Variants in TCF12 observed in about 807,000 individuals in gnomAD.
The protein encoded by TCF12 is transcription factor 12, also known as DNA-binding protein HTF4.
In TCF12, 45 loss-of-function variants were observed where a neutral mutation model predicts 86.0. The ratio of observed to expected loss-of-function variants is 0.52; its 90% CI spans 0.41 to 0.67. TCF12 has a LOEUF of 0.67. TCF12 is among the 30% of genes least tolerant of loss of function. The pLI, the probability that TCF12 is intolerant of heterozygous loss-of-function variation, is 0.00. For missense variants in TCF12, 881 were observed against 859.9 expected, an observed-to-expected ratio of 1.02 and a Z score of -0.31; for synonymous variants, 330 against 299.6, an observed-to-expected ratio of 1.10 and a Z score of -1.05.
chr15:57,152,285 C>T (rs548008456), intron 5 of TCF12, among the ~76,000 whole-genome samples: 1 of 152,234 alleles, frequency 6.6e-6, no homozygotes, highest in East Asian at 1.9e-4. Context: ...AAGAGAAAAA[C>T]AAAACAAATA....
chr15:57,200,221 A>C (rs1168343991), intron 8 of TCF12, among the ~76,000 whole-genome samples: 1 of 152,008 alleles, frequency 6.6e-6, no homozygotes, highest in Admixed American at 6.6e-5. Flanking sequence ...AAAAACCTTA[A>C]AGACAGATAT....
chr15:56,923,695 T>C (rs2059889823), intron 3 of TCF12, among the ~76,000 whole-genome samples: 1 of 152,186 alleles, frequency 6.6e-6, no homozygotes, highest in African/African-American at 2.4e-5. Context: ...TTTGAGTGTG[T>C]ATGTCTAGAT....
At chr15:57,205,182 G>A (rs771026853) in intron 8 of TCF12, among the ~76,000 whole-genome samples, 1 of 152,056 alleles carries the variant, frequency 6.6e-6, no homozygotes, top group Non-Finnish European at 1.5e-5. Context: ...GCATGGTGTT[G>A]TGTGCCTATA....
At chr15:57,115,349 C>T (rs1396830116) in intron 5 of TCF12, among the ~76,000 whole-genome samples, 2 of 152,130 alleles carry the variant, frequency 1.3e-5, no homozygotes, top group Non-Finnish European at 2.9e-5. Context: ...TGAAGAAAAA[C>T]AGGTAATTTC....
chr15:57,189,451 G>C (rs2151695846), intron 6 of TCF12, among the ~76,000 whole-genome samples: 1 of 152,210 alleles, frequency 6.6e-6, no homozygotes, highest in Non-Finnish European at 1.5e-5. Flanking sequence ...TCTTCCCAAG[G>C]AGATATTCTA....
At chr15:57,199,746 A>G (rs1020430184) in intron 8 of TCF12, among the ~76,000 whole-genome samples, 2 of 152,250 alleles carry the variant, frequency 1.3e-5, no homozygotes, top group African/African-American at 4.8e-5. Flanking sequence ...GGCCAAGCCT[A>G]CTTATATATT....
chr15:56,970,654 A>G (rs888591152), intron 3 of TCF12, among the ~76,000 whole-genome samples: 1 of 152,130 alleles, frequency 6.6e-6, no homozygotes, highest in Non-Finnish European at 1.5e-5. Flanking sequence ...ATCCCAATGT[A>G]AAAAGAGGAA....
At chr15:57,030,346 C>G (rs1274703568) in intron 3 of TCF12, among the ~76,000 whole-genome samples, 3 of 152,168 alleles carry the variant, frequency 2.0e-5, no homozygotes, top group African/African-American at 7.2e-5. Flanking sequence ...TCAACTGATT[C>G]TCCCACCCCA....
chr15:57,280,332 A>G (rs1415531410), intron 19 of TCF12, among the ~76,000 whole-genome samples: 2 of 152,212 alleles, frequency 1.3e-5, no homozygotes, highest in Non-Finnish European at 2.9e-5. Flanking sequence ...ACCCTAATAA[A>G]TTAACTAAGA....
chr15:57,177,136 A>G (rs1378315508), intron 6 of TCF12, among the ~76,000 whole-genome samples: 5 of 152,196 alleles, frequency 3.3e-5, no homozygotes. Context: ...AGGAAAGAGT[A>G]TATAAGTAAG....
chr15:57,083,307 A>C (rs568185153), intron 4 of TCF12, among the ~76,000 whole-genome samples: 107 of 152,258 alleles, frequency 7.0e-4, no homozygotes, highest in African/African-American at 2.5e-3. Context: ...TAAAAATTGA[A>C]AGAAAATGTG....
chr15:56,980,840 A>G (rs2062855276), intron 3 of TCF12, among the ~76,000 whole-genome samples: 1 of 152,096 alleles, frequency 6.6e-6, no homozygotes. Context: ...GTGAAGATAG[A>G]TATTATTTGT....
At chr15:57,206,650 C>T (rs1204338304) in intron 8 of TCF12, among the ~76,000 whole-genome samples, 3 of 137,842 alleles carry the variant, frequency 2.2e-5, no homozygotes, top group Non-Finnish European at 4.6e-5. Flanking sequence ...TGCAGTGGCA[C>T]GATCTCAGCT....
In TCF12 at chr15:57,289,121, TG is replaced by T. The variant is rs1166793935; in HGVS notation, c.*2978del. On this transcript the variant is annotated 3_prime_UTR_variant, in exon 21 of 21. Transcript: ENST00000333725. Reference sequence around the variant, plus strand: ...GTAGGACCTGTGCGTGCGAAACCCATGGCAATTGTCACATCCTCTTGGTATG... The same window carrying T: ...GTAGGACCTGTGCGTGCGAAACCCATGCAATTGTCACATCCTCTTGGTATG... The T allele has an allele frequency of 6.6e-6, 1 of 152,206 alleles. No individual in the cohort carries two copies. Among genetic ancestry groups the T allele is most frequent in the African/African-American group, 2.4e-5 (1 of 41,448 alleles). 9.4% of individuals were successfully genotyped at this position (152,206 alleles called of 1,614,324 possible).
At chr15:57,194,532 C>A (rs1019927395) in intron 7 of TCF12, among the ~76,000 whole-genome samples, 1 of 152,096 alleles carries the variant, frequency 6.6e-6, no homozygotes, top group Non-Finnish European at 1.5e-5. Flanking sequence ...AAAATCTCAG[C>A]GTTTAAAAGC....
At chr15:57,089,340 T>C (rs1201356986) in intron 4 of TCF12, among the ~76,000 whole-genome samples, 1 of 152,318 alleles carries the variant, frequency 6.6e-6, no homozygotes, top group Admixed American at 6.5e-5. Context: ...TAAATAGGTA[T>C]TGAGGATTCA....
intron 5 of TCF12, among the ~76,000 whole-genome samples, chr15:57,149,355 A>G (rs1213592499): frequency 1.3e-5 from 2 of 152,208 alleles, no homozygotes; most frequent in Admixed American, 6.5e-5. Context: ...TGCCAAAGAA[A>G]ATAGAAGAGA....
intron 4 of TCF12, among the ~76,000 whole-genome samples, chr15:57,073,895 C>CCCG (rs1374831912): frequency 6.6e-6 from 1 of 151,920 alleles, no homozygotes; most frequent in Non-Finnish European, 1.5e-5. Flanking sequence ...ACTACAGGCG[C>CCCG]CCACCACCAC....
At chr15:56,997,877 G>A (rs1036915619) in intron 3 of TCF12, among the ~76,000 whole-genome samples, 7 of 152,098 alleles carry the variant, frequency 4.6e-5, no homozygotes, top group Non-Finnish European at 1.0e-4. Context: ...AAAAGATATA[G>A]CATGCAAACA....
Sources: allele counts gnomAD v4.1 joint callset (sites outside exome capture counted in the v4.1 genomes callset), GRCh38; gene constraint gnomAD v4.1.1; transcripts MANE v1.5; gene names NCBI Gene and HGNC (gene_info 2026-07-23, HGNC 2026-07-21).